Variants in DNAJC22 observed in about 807,000 individuals in gnomAD.
DNAJC22 encodes DnaJ heat shock protein family (Hsp40) member C22.
A neutral mutation model predicts 22.2 loss-of-function variants in DNAJC22; 24 were observed. That is an observed-to-expected ratio of 1.08 (90% CI 0.78 to 1.52). DNAJC22 has a LOEUF of 1.52. Ranked by LOEUF, DNAJC22 falls within the 40% of genes most tolerant of loss-of-function variation. The pLI is 0.00. For synonymous variants in DNAJC22, 160 were observed against 167.4 expected (o/e 0.96, Z 0.34); for missense variants, 434 against 421.7 (o/e 1.03, Z -0.26).
chr12:49,348,699 AAG>A lies in DNAJC22; in HGVS notation c.-107-63_-107-62del, dbSNP rs1481543274. The A allele has an allele frequency of 5.8e-6, 5 of 855,000 alleles. No homozygotes were observed. In the Admixed American group the frequency reaches 1.8e-4, roughly 31 times the overall value. The allele number at this position is 855,000 out of a possible 1,614,324, so 53.0% of individuals were successfully genotyped here. ...AGATCTGTACTCAACTTTTATTGGA[AAG>A]AGAAATGGTTGCTGTGTTGGAGCCT... On this transcript the variant is annotated intron_variant, in intron 2 of 3. Coordinates refer to ENST00000549441, the MANE Select transcript of DNAJC22 (RefSeq NM_001304944.2).
rs769694837 is a variant in DNAJC22, at chr12:49,351,511, T to C, written c.*9T>C. ...GGGGATCCCGGAGGTGAAAAGAAAC[T>C]TCCCCCTGAGGACTGACTCTTCCTA... is the stretch of plus-strand genomic sequence containing the variant. On this transcript the variant is annotated 3_prime_UTR_variant, in exon 4 of 4. Transcript: ENST00000549441. 2.0e-6 allele frequency: 3 copies of C among 1,528,434 alleles called. No homozygotes were observed. Among genetic ancestry groups the C allele is most frequent in the Non-Finnish European group, 1.7e-6 (2 of 1,145,696 alleles). 94.7% of individuals were successfully genotyped at this position (1,528,434 alleles called of 1,614,324 possible).
rs80253983 is a variant in DNAJC22, at chr12:49,348,832, T to C, written c.-41T>C. Reference sequence around the variant, plus strand: ...ACAGAGGACCCCGAGACTTCTGTGCTGCGAGTAACCGGACTTGTTCTGAGA... The same window carrying C: ...ACAGAGGACCCCGAGACTTCTGTGCCGCGAGTAACCGGACTTGTTCTGAGA... On this transcript the variant is annotated 5_prime_UTR_variant, in exon 3 of 4. Coordinates refer to ENST00000549441, the MANE Select transcript of DNAJC22 (RefSeq NM_001304944.2). 2.6e-5 allele frequency: 38 copies of C among 1,454,106 alleles called. No homozygotes were observed. The East Asian group carries it at 9.0e-4, about 34-fold the overall frequency. 90.1% of individuals were successfully genotyped at this position (1,454,106 alleles called of 1,614,324 possible).
At chr12:49,350,728 C>G (rs1199485155) in intron 3 of DNAJC22, among the ~76,000 whole-genome samples, 3 of 151,884 alleles carry the variant, frequency 2.0e-5, no homozygotes. Flanking sequence ...GAACTCCCGA[C>G]CTCAGGTGCT....
Position 49,349,374 on chromosome 12 carries a change from C to T in DNAJC22, c.502C>T (p.Arg168Cys), listed in dbSNP as rs371277828. The change falls in exon 3 of 4, where the codon CGC becomes TGC. Residue 168 changes from arginine to cysteine, a missense_variant. Coordinates refer to ENST00000549441, the MANE Select transcript of DNAJC22 (RefSeq NM_001304944.2). ...AASITAQRHR[R>C]YKALVASEPL... Reference sequence around the variant, plus strand: ...CAGCATTACAGCTCAGAGGCATCGCCGCTACAAAGCTTTGGTGGCATCAGA... The same window carrying T: ...CAGCATTACAGCTCAGAGGCATCGCTGCTACAAAGCTTTGGTGGCATCAGA... The T allele has an allele frequency of 4.4e-5, 71 of 1,604,852 alleles. No homozygotes were observed. The highest frequency in any genetic ancestry group is 1.7e-4 in the Middle Eastern group (1 of 6,014).
At position 49,348,983 on chromosome 12, in the gene DNAJC22, C is replaced by T. The variant is rs781374911; in HGVS notation, c.111C>T (p.Thr37=). 4 of 1,557,030 alleles carry T rather than the reference C, an allele frequency of 2.6e-6. No individual in the cohort carries two copies. In the African/African-American group the frequency reaches 5.5e-5, roughly 21 times the overall value. Residue 37 remains threonine (T), a synonymous_variant, in exon 3 of 4, where the codon ACC becomes ACT. Coordinates refer to ENST00000549441, the MANE Select transcript of DNAJC22 (RefSeq NM_001304944.2). The part of the protein sequence containing the change: ...RDSHALLWML[T]LGGGGLGWLW... ...GCCACGCCCTGCTCTGGATGCTGAC[C>T]CTGGGGGGAGGTGGGCTGGGCTGGC...
rs1943787343 is a variant in DNAJC22, at chr12:49,351,702, C to A, written c.*200C>A. ...CACGAGGTCAGGAGTTCGAGACCAG[C>A]AGCCTGGCCAATATAGTGAAACTTC... is the stretch of plus-strand genomic sequence containing the variant. On this transcript the variant is annotated 3_prime_UTR_variant, in exon 4 of 4. Coordinates refer to ENST00000549441, the MANE Select transcript of DNAJC22 (RefSeq NM_001304944.2). 2 of 410,654 alleles carry A rather than the reference C, an allele frequency of 4.9e-6. No homozygotes were observed. Among genetic ancestry groups the A allele is most frequent in the Non-Finnish European group, 8.4e-6 (2 of 239,024 alleles). The allele number at this position is 410,654 out of a possible 1,614,324, so 25.4% of individuals were successfully genotyped here. A position where few individuals can be genotyped will look rare whatever the true frequency, so the allele number is the denominator to read the frequency against.
Position 49,347,975 on chromosome 12 carries a change from T to A in DNAJC22, c.-238T>A, listed in dbSNP as rs1943721029. 6.6e-6 allele frequency: 1 copy of A among 152,380 alleles called. No homozygotes were observed. Among genetic ancestry groups the A allele is most frequent in the Non-Finnish European group, 1.5e-5 (1 of 68,130 alleles). The allele number at this position is 152,380 out of a possible 1,614,324, so 9.4% of individuals were successfully genotyped here. On this transcript the variant is annotated 5_prime_UTR_variant, in exon 2 of 4. Transcript: ENST00000549441. ...GGAGCCTGGCCTGGGGAAGCCGGAC[T>A]TCCGTGACACAACAGACACAAAAGA...
intron 3 of DNAJC22, among the ~76,000 whole-genome samples, chr12:49,350,655 C>A (rs148192349): frequency 0.015 from 2,334 of 151,812 alleles, 206 homozygotes; most frequent in Admixed American, 0.14. Context: ...TGCGTCACCA[C>A]GCCAAATTAA....
rs1943711579 is a variant in DNAJC22 at position 49,347,263 on chromosome 12, A to G, written c.-858A>G. The G allele has an allele frequency of 1.3e-5, 2 of 152,192 alleles. No individual in the cohort carries two copies. Among genetic ancestry groups the G allele is most frequent in the Non-Finnish European group, 2.9e-5 (2 of 68,074 alleles). 9.4% of individuals were successfully genotyped at this position (152,192 alleles called of 1,614,324 possible). On this transcript the variant is annotated 5_prime_UTR_variant, in exon 1 of 4. Transcript: ENST00000549441. ...TCCTGGTCGAGCCTCCTGCCCTCCAACCCTCTGCTCCCGTTTCTCCCTCTG... is the reference window on the plus strand; with the variant it reads ...TCCTGGTCGAGCCTCCTGCCCTCCAGCCCTCTGCTCCCGTTTCTCCCTCTG...
chr12:49,349,403 G>A lies in DNAJC22; in HGVS notation c.531G>A (p.Pro177=), dbSNP rs746163740. 196 of 1,609,502 alleles carry A rather than the reference G, an allele frequency of 1.2e-4. 2 individuals are homozygous for A. In the Admixed American group the frequency reaches 3.0e-3, roughly 25 times the overall value. The change falls in exon 3 of 4, where the codon CCG becomes CCA. Residue 177 remains proline (P), a synonymous_variant. Coordinates refer to ENST00000549441, the MANE Select transcript of DNAJC22 (RefSeq NM_001304944.2). ...ACAAAGCTTTGGTGGCATCAGAGCC[G>A]CTCAGTGTGCGGCTCTATCGTCTGG... ...RRYKALVASE[P]LSVRLYRLGL...
rs1273116783 is a variant in DNAJC22, at chr12:49,353,673, A to G, written c.*2171A>G. ...AAAATATAAAAATAAATAAATAAATAAAGTGGAATTATGTTGATGACTATT... is the reference window on the plus strand; with the variant it reads ...AAAATATAAAAATAAATAAATAAATGAAGTGGAATTATGTTGATGACTATT... On this transcript the variant is annotated 3_prime_UTR_variant, in exon 4 of 4. Transcript: ENST00000549441. 1 of 152,080 alleles carries G rather than the reference A, an allele frequency of 6.6e-6. No homozygotes were observed. Among genetic ancestry groups the G allele is most frequent in the East Asian group, 1.9e-4 (1 of 5,196 alleles). 9.4% of individuals were successfully genotyped at this position (152,080 alleles called of 1,614,324 possible).
intron 3 of DNAJC22, chr12:49,351,106 A>G: frequency 1.0e-6 from 1 of 960,944 alleles, no homozygotes; most frequent in Middle Eastern, 5.4e-4. Flanking sequence ...TATGTTTCAA[A>G]AGGCTGGAAT....
chr12:49,351,373 G>C lies in DNAJC22; in HGVS notation c.897G>C (p.Glu299Asp), dbSNP rs1304708276. ...TNEEIHRSYQ[E>D]LVKVWHPDHN... ...AAGAAATACATCGGAGTTACCAGGA[G>C]CTAGTGAAGGTCTGGCACCCAGACC... The change falls in exon 4 of 4, where the codon GAG becomes GAC. Residue 299 changes from glutamate (E) to aspartate (D), a missense_variant. Coordinates refer to ENST00000549441, the MANE Select transcript of DNAJC22 (RefSeq NM_001304944.2). The C allele has an allele frequency of 6.2e-7, 1 of 1,613,730 alleles. No homozygotes were observed.
chr12:49,349,834 C>A, intron 3 of DNAJC22, 122 bp downstream of exon 3: 2 of 1,525,690 alleles, frequency 1.3e-6, no homozygotes, highest in Non-Finnish European at 1.7e-6. Flanking sequence ...TATCTGTGTA[C>A]AATGGGCAAA....
At position 49,351,489 on chromosome 12, in the gene DNAJC22, G is replaced by T; in HGVS notation, c.1013G>T (p.Gly338Val). Residue 338 changes from glycine (G) to valine (V), a missense_variant, in exon 4 of 4, where the codon GGA becomes GTA. By Grantham distance (109) the Gly-to-Val change is moderately radical. Transcript: ENST00000549441. ...CTGAGTCAACCCAGGAAGCCCTGGG[G>T]ATCCCGGAGGTGAAAAGAAACTTCC... Reference protein sequence around the residue: ...EVLSQPRKPWGSRR With the variant: ...EVLSQPRKPWVSRR The T allele has an allele frequency of 1.3e-6, 2 of 1,541,920 alleles. No individual in the cohort carries two copies. Among genetic ancestry groups the T allele is most frequent in the Non-Finnish European group, 1.7e-6 (2 of 1,151,720 alleles).
chr12:49,348,291 A>G (rs1943726211), intron 2 of DNAJC22, among the ~76,000 whole-genome samples, 186 bp downstream of exon 2: 1 of 152,200 alleles, frequency 6.6e-6, no homozygotes, highest in African/African-American at 2.4e-5. Context: ...GTCTAGGTCA[A>G]ACGAAGTTTT....
chr12:49,351,007 G>C (rs80075536), intron 3 of DNAJC22, among the ~76,000 whole-genome samples: 2,228 of 152,226 alleles, frequency 0.015, 60 homozygotes, highest in African/African-American at 0.051. Flanking sequence ...TCTTTTGTGG[G>C]GAAGAGATCT....
Position 49,348,992 on chromosome 12 carries a change from A to G in DNAJC22, c.120A>G (p.Gly40=), listed in dbSNP as rs1943736333. 1.3e-6 allele frequency: 2 copies of G among 1,559,560 alleles called. No homozygotes were observed. The highest frequency in any genetic ancestry group is 1.9e-5 in the Admixed American group (1 of 52,332). ...TGCTCTGGATGCTGACCCTGGGGGG[A>G]GGTGGGCTGGGCTGGCTCTGGGAGT... ...HALLWMLTLG[G]GGLGWLWEFW... is the part of the protein sequence containing the mutation. Residue 40 remains glycine (G), a synonymous_variant, in exon 3 of 4, where the codon GGA becomes GGG. Transcript: ENST00000549441.
At position 49,349,132 on chromosome 12, in the gene DNAJC22, T is replaced by C. The variant is rs755154272; in HGVS notation, c.260T>C (p.Val87Ala). 5 of 1,614,070 alleles carry C rather than the reference T, an allele frequency of 3.1e-6. No homozygotes were observed. Among genetic ancestry groups the C allele is most frequent in the Non-Finnish European group, 4.2e-6 (5 of 1,180,030 alleles). The stretch of plus-strand genomic sequence containing the variant: ...ATTCGCTTTGCTGCCCAGGTGATAG[T>C]TGGCATCTATTTTGGCCTTGTGGCA... ...SPIRFAAQVIVGIYFGLVALI... is the reference protein window; with the variant it reads ...SPIRFAAQVIAGIYFGLVALI... The change falls in exon 3 of 4, where the codon GTT (valine) becomes GCT (alanine). Residue 87 changes from valine to alanine, a missense_variant. Transcript: ENST00000549441.
Sources: gnomAD v4.1 joint callset for allele counts (sites outside exome capture counted in the v4.1 genomes callset) on GRCh38, gnomAD v4.1.1 for gene constraint, MANE v1.5 for transcripts, NCBI Gene and HGNC (gene_info 2026-07-23, HGNC 2026-07-21) for gene names.